Variants in OPCML observed in about 807,000 individuals in gnomAD.
The protein encoded by OPCML is opioid binding protein/cell adhesion molecule like, also known as opioid-binding protein/cell adhesion molecule.
OPCML carries 13 observed loss-of-function variants against 37.8 expected under a neutral mutation model. The observed-to-expected ratio is 0.34, with a 90% CI of 0.22 to 0.55. The LOEUF (loss-of-function observed/expected upper bound fraction) is 0.55, where lower values mean the gene tolerates loss of function less well. OPCML is among the 20% of genes least tolerant of loss of function. The pLI, the probability that OPCML is intolerant of heterozygous loss-of-function variation, is 0.91. For synonymous variants in OPCML, 176 were observed against 168.8 expected (o/e 1.04, Z -0.33); for missense variants, 341 against 435.6 (o/e 0.78, Z 1.93).
At chr11:133,166,905 C>A (rs1048510195) in intron 1 of OPCML, among the ~76,000 whole-genome samples, 1 of 152,226 alleles carries the variant, frequency 6.6e-6, no homozygotes, top group African/African-American at 2.4e-5. Flanking sequence ...GGCTTGCACG[C>A]TATCTAGAAG....
intron 1 of OPCML, among the ~76,000 whole-genome samples, chr11:133,320,357 A>G (rs1318643749): frequency 6.6e-6 from 1 of 152,206 alleles, no homozygotes; most frequent in East Asian, 1.9e-4. Context: ...CAGGCTGATG[A>G]AACTGGTTTT....
intron 1 of OPCML, among the ~76,000 whole-genome samples, chr11:133,336,818 T>A (rs1359112769): frequency 6.6e-6 from 1 of 152,226 alleles, no homozygotes; most frequent in African/African-American, 2.4e-5. Flanking sequence ...CCTCCCCATT[T>A]TTGTGATACC....
At chr11:132,615,402 T>C (rs747420271) in intron 3 of OPCML, among the ~76,000 whole-genome samples, 1 of 152,180 alleles carries the variant, frequency 6.6e-6, no homozygotes, top group Non-Finnish European at 1.5e-5. Flanking sequence ...AATAATGGTA[T>C]TTTCCTCAAG....
At chr11:133,497,483 A>G (rs1382975195) in intron 1 of OPCML, among the ~76,000 whole-genome samples, 1 of 152,068 alleles carries the variant, frequency 6.6e-6, no homozygotes, top group Non-Finnish European at 1.5e-5. Flanking sequence ...GATTCACTTA[A>G]TAACTAATCT....
intron 1 of OPCML, among the ~76,000 whole-genome samples, chr11:133,234,520 T>C (rs74407932): frequency 0.012 from 1,853 of 152,352 alleles, 18 homozygotes; most frequent in Non-Finnish European, 0.018. Context: ...AGGACTTTTC[T>C]TGGAAAGGCC....
intron 2 of OPCML, among the ~76,000 whole-genome samples, chr11:132,844,340 G>A (rs1334330881): frequency 6.6e-6 from 1 of 152,190 alleles, no homozygotes; most frequent in African/African-American, 2.4e-5. Flanking sequence ...ACGGAGTCAG[G>A]AAAAGGGAGA....
intron 3 of OPCML, among the ~76,000 whole-genome samples, chr11:132,562,518 A>G (rs1003948663): frequency 1.3e-5 from 2 of 152,174 alleles, no homozygotes; most frequent in Admixed American, 6.5e-5. Flanking sequence ...GGTTAGAATT[A>G]TAAAGCAGAA....
intron 1 of OPCML, among the ~76,000 whole-genome samples, chr11:133,373,135 C>T (rs1416021227): frequency 6.6e-6 from 1 of 152,098 alleles, no homozygotes; most frequent in East Asian, 1.9e-4. Flanking sequence ...GTTATAAAAA[C>T]TGCCTCTGCT....
chr11:133,308,172 A>T (rs1181918789), intron 1 of OPCML, among the ~76,000 whole-genome samples: 1 of 152,204 alleles, frequency 6.6e-6, no homozygotes, highest in Non-Finnish European at 1.5e-5. Context: ...CATGTGAAAA[A>T]TGTATCCAAG....
intron 3 of OPCML, among the ~76,000 whole-genome samples, chr11:132,580,354 A>C (rs958165604): frequency 9.2e-5 from 14 of 152,236 alleles, no homozygotes; most frequent in Non-Finnish European, 2.9e-5. Context: ...AGAAGTATTT[A>C]TGATTTAATG....
At chr11:133,213,223 G>GTTTT (rs35872459) in intron 1 of OPCML, among the ~76,000 whole-genome samples, 1 of 126,404 alleles carries the variant, frequency 7.9e-6, no homozygotes, top group African/African-American at 2.9e-5. Flanking sequence ...TTCATAATGA[G>GTTTT]TTTTTTTTTT....
chr11:132,636,358 G>A (rs1056371443), intron 3 of OPCML, among the ~76,000 whole-genome samples: 1 of 152,144 alleles, frequency 6.6e-6, no homozygotes, highest in Non-Finnish European at 1.5e-5. Context: ...ACATAATTCT[G>A]TTATTTTAGG....
chr11:133,149,198 C>T (rs1370394544), intron 1 of OPCML, among the ~76,000 whole-genome samples: 1 of 152,170 alleles, frequency 6.6e-6, no homozygotes, highest in Non-Finnish European at 1.5e-5. Context: ...TTTGTTCGTC[C>T]TAACTTTGTT....
intron 1 of OPCML, among the ~76,000 whole-genome samples, chr11:133,408,999 A>G (rs1945587427): frequency 6.6e-6 from 1 of 152,208 alleles, no homozygotes; most frequent in South Asian, 2.1e-4. Context: ...CTTAGATGCC[A>G]GACTTCCTGG....
intron 3 of OPCML, among the ~76,000 whole-genome samples, chr11:132,641,195 G>A (rs1353680003): frequency 6.6e-6 from 1 of 152,142 alleles, no homozygotes; most frequent in African/African-American, 2.4e-5. Flanking sequence ...CCTCATGACG[G>A]TAAAGTGGCT....
chr11:132,688,276 G>C (rs1943249646), intron 2 of OPCML, among the ~76,000 whole-genome samples: 2 of 152,044 alleles, frequency 1.3e-5, no homozygotes, highest in African/African-American at 4.8e-5. Flanking sequence ...AGAAAAAGAA[G>C]TTGAATGGAT....
chr11:132,700,520 C>G (rs1323763944), intron 2 of OPCML, among the ~76,000 whole-genome samples: 3 of 151,974 alleles, frequency 2.0e-5, no homozygotes, highest in African/African-American at 7.2e-5. Flanking sequence ...AAAAAATATC[C>G]TTTTGATTTC....
chr11:133,349,911 T>TA (rs1184461642), intron 1 of OPCML, among the ~76,000 whole-genome samples: 2 of 152,218 alleles, frequency 1.3e-5, no homozygotes, highest in Non-Finnish European at 2.9e-5. Context: ...TGGCCTCCTT[T>TA]TAAAAATCAA....
chr11:133,375,986 G>C (rs904827753), intron 1 of OPCML, among the ~76,000 whole-genome samples: 1 of 152,180 alleles, frequency 6.6e-6, no homozygotes, highest in African/African-American at 2.4e-5. Context: ...CCAGGGAGCA[G>C]AAACTATACT....
Sources: gnomAD v4.1 joint callset for allele counts (sites outside exome capture counted in the v4.1 genomes callset) on GRCh38, gnomAD v4.1.1 for gene constraint, MANE v1.5 for transcripts, NCBI Gene and HGNC (gene_info 2026-07-23, HGNC 2026-07-21) for gene names.